The following RIMS2 variants were observed in gnomAD, a reference collection of about 807,000 sequenced individuals.
The protein encoded by RIMS2 is regulating synaptic membrane exocytosis protein 2.
Under a neutral mutation model 174.4 loss-of-function variants are expected in RIMS2, and 59 were observed. The ratio of observed to expected loss-of-function variants is 0.34; its 90% CI spans 0.27 to 0.42. RIMS2 has a LOEUF of 0.42. Among genes scored for constraint, RIMS2 ranks in the 10% least tolerant of loss-of-function variants. The probability of loss-of-function intolerance (pLI) is 1.00; values close to 1 mark genes in which losing one functional copy is unlikely to be tolerated. For missense variants in RIMS2, 1,620 were observed against 1,666.3 expected, an observed-to-expected ratio of 0.97 and a Z score of 0.48; for synonymous variants, 606 against 572.5, an observed-to-expected ratio of 1.06 and a Z score of -0.84.
chr8:104,057,512 C>T (rs1287162802), intron 19 of RIMS2, among the ~76,000 whole-genome samples: 2 of 152,020 alleles, frequency 1.3e-5, no homozygotes, highest in Non-Finnish European at 2.9e-5. Context: ...CTAGATCCCT[C>T]CTAATCAACT....
chr8:103,672,003 T>A (rs967386891), intron 1 of RIMS2, among the ~76,000 whole-genome samples: 1 of 152,178 alleles, frequency 6.6e-6, no homozygotes, highest in Non-Finnish European at 1.5e-5. Context: ...ATTTGAAGTT[T>A]GATTTTGGGA....
chr8:103,798,174 A>G (rs2098567028), intron 3 of RIMS2, among the ~76,000 whole-genome samples: 2 of 152,318 alleles, frequency 1.3e-5, no homozygotes, highest in South Asian at 4.1e-4. Flanking sequence ...ATATGAATTT[A>G]TAATCTAATA....
At chr8:103,792,286 T>C (rs1261628376) in intron 3 of RIMS2, among the ~76,000 whole-genome samples, 1 of 152,164 alleles carries the variant, frequency 6.6e-6, no homozygotes, top group Non-Finnish European at 1.5e-5. Context: ...ACCTCTCACC[T>C]ACATGGAAAC....
intron 1 of RIMS2, chr8:103,559,456 T>G: frequency 3.0e-6 from 1 of 332,166 alleles, no homozygotes; most frequent in South Asian, 2.5e-5. Flanking sequence ...GGGACTCTGG[T>G]GATCAAGCTG....
At chr8:103,687,458 CTG>C (rs755297410) in intron 1 of RIMS2, among the ~76,000 whole-genome samples, 8 of 151,604 alleles carry the variant, frequency 5.3e-5, no homozygotes, top group Non-Finnish European at 1.0e-4. Context: ...GTTTTGAAGT[CTG>C]TATATATTGT....
exon 2 of RIMS2, chr8:103,697,218 A>G (rs1391626564): frequency 1.9e-6 from 3 of 1,613,710 alleles, no homozygotes; most frequent in South Asian, 1.1e-5. Context: ...TTGCTGATGG[A>G]TGTGGCCATA....
chr8:103,801,977 A>G (rs1201757566), intron 3 of RIMS2, among the ~76,000 whole-genome samples: 1 of 152,222 alleles, frequency 6.6e-6, no homozygotes, highest in Non-Finnish European at 1.5e-5. Context: ...TCATATATTC[A>G]TTTGTAAAAT....
chr8:104,090,126 A>G (rs1031651719), intron 19 of RIMS2, among the ~76,000 whole-genome samples: 3 of 151,674 alleles, frequency 2.0e-5, no homozygotes, highest in African/African-American at 7.2e-5. Flanking sequence ...GTGATGAATT[A>G]CACACTATCT....
chr8:103,648,565 T>A (rs754104032), intron 1 of RIMS2, among the ~76,000 whole-genome samples: 6 of 152,162 alleles, frequency 3.9e-5, no homozygotes, highest in Non-Finnish European at 8.8e-5. Flanking sequence ...ACTATTATTG[T>A]TTGGGAATTT....
rs114026043 is a variant in RIMS2 at position 103,961,349 on chromosome 8, C to T, written c.2770+216C>T. On this transcript the variant is annotated intron_variant, in intron 15 of 23. Coordinates refer to ENST00000504942, the Ensembl canonical transcript of RIMS2. Reference sequence around the variant, plus strand: ...GGATAGTCTTGAAAGATACCAGATACGTAGATGTCAATAAATTTTCTATTT... The same window carrying T: ...GGATAGTCTTGAAAGATACCAGATATGTAGATGTCAATAAATTTTCTATTT... 3.7e-3 allele frequency among the ~76,000 whole-genome samples: 562 copies of T among 152,118 alleles called. 3 individuals are homozygous for T. Among genetic ancestry groups the T allele is most frequent in the African/African-American group, 0.011 (453 of 41,502 alleles).
At chr8:104,139,063 A>G (rs140979475) in intron 19 of RIMS2, among the ~76,000 whole-genome samples, 14 of 152,242 alleles carry the variant, frequency 9.2e-5, no homozygotes, top group African/African-American at 3.4e-4. Context: ...TTTGTCAAAA[A>G]TGACTTCAGT....
At chr8:104,040,665 AT>A (rs796750333) in intron 19 of RIMS2, among the ~76,000 whole-genome samples, 1 of 151,854 alleles carries the variant, frequency 6.6e-6, no homozygotes, top group African/African-American at 2.4e-5. Context: ...TTTAGTTTGG[AT>A]TTTTAATGCT....
chr8:104,029,216 A>G (rs1253642159), intron 19 of RIMS2, among the ~76,000 whole-genome samples: 2 of 152,084 alleles, frequency 1.3e-5, no homozygotes, highest in Non-Finnish European at 2.9e-5. Context: ...TTTTGGTGGG[A>G]TTTGGCTGGC....
At chr8:104,038,787 A>C (rs916428844) in intron 19 of RIMS2, among the ~76,000 whole-genome samples, 3 of 151,896 alleles carry the variant, frequency 2.0e-5, no homozygotes, top group Non-Finnish European at 4.4e-5. Flanking sequence ...CTATAACCAC[A>C]GGAAATCCAA....
chr8:103,927,866 A>G, exon 11 of RIMS2: 1 of 1,608,436 alleles, frequency 6.2e-7, no homozygotes, highest in Non-Finnish European at 8.5e-7. Context: ...TAGAAGAACA[A>G]CGCCTTTTGT....
chr8:103,765,492 A>T (rs530481543), intron 2 of RIMS2, among the ~76,000 whole-genome samples: 83 of 152,310 alleles, frequency 5.4e-4, no homozygotes, highest in African/African-American at 2.0e-3. Flanking sequence ...ACAATTAAAA[A>T]TGGTTAAAAT....
intron 2 of RIMS2, among the ~76,000 whole-genome samples, chr8:103,715,638 A>G (rs1351842724): frequency 6.6e-6 from 1 of 152,178 alleles, no homozygotes; most frequent in African/African-American, 2.4e-5. Context: ...TTTGTAGTGT[A>G]TTTAAATCAC....
chr8:103,701,448 C>T (rs1171232441), intron 2 of RIMS2, among the ~76,000 whole-genome samples: 2 of 152,038 alleles, frequency 1.3e-5, no homozygotes, highest in African/African-American at 4.8e-5. Flanking sequence ...ATCTTTTCTC[C>T]CAGCTATTTT....
At chr8:103,612,961 GCA>G (rs1241746241) in intron 1 of RIMS2, among the ~76,000 whole-genome samples, 3 of 152,178 alleles carry the variant, frequency 2.0e-5, no homozygotes, top group African/African-American at 7.2e-5. Context: ...GTTGATGCAA[GCA>G]CTCTTGTGGC....
Sources: gnomAD v4.1 joint callset for allele counts (sites outside exome capture counted in the v4.1 genomes callset) on GRCh38, gnomAD v4.1.1 for gene constraint, MANE v1.5 for transcripts, NCBI Gene and HGNC (gene_info 2026-07-23, HGNC 2026-07-21) for gene names.